Variants in STX8 observed in about 807,000 individuals in gnomAD.
STX8 encodes the protein syntaxin-8.
STX8 carries 23 observed loss-of-function variants against 37.5 expected under a neutral mutation model. The observed-to-expected ratio is 0.61, with a 90% CI of 0.44 to 0.87. The LOEUF (loss-of-function observed/expected upper bound fraction) is 0.87. Ranked by LOEUF, STX8 falls within the 40% of genes least tolerant of loss-of-function variation. STX8 has a pLI of 0.00. For synonymous variants in STX8, 115 were observed against 99.1 expected (o/e 1.16, Z -0.95); for missense variants, 313 against 284.7 (o/e 1.10, Z -0.71).
At chr17:9,306,847 C>T (rs971620377) in intron 7 of STX8, among the ~76,000 whole-genome samples, 5 of 151,816 alleles carry the variant, frequency 3.3e-5, no homozygotes, top group African/African-American at 9.7e-5. Flanking sequence ...TCATTTACGC[C>T]GGGCATGGTG....
At chr17:9,442,480 C>T (rs780849900) in intron 6 of STX8, among the ~76,000 whole-genome samples, 1 of 152,206 alleles carries the variant, frequency 6.6e-6, no homozygotes, top group African/African-American at 2.4e-5. Context: ...GATCTCAGCT[C>T]ACCGCAACCT....
intron 7 of STX8, among the ~76,000 whole-genome samples, chr17:9,324,503 CTGTAA>C (rs1567783851): frequency 6.6e-6 from 1 of 152,016 alleles, no homozygotes; most frequent in Admixed American, 6.6e-5. Context: ...TGGCTCCTGC[CTGTAA>C]TCCCTGCACT....
chr17:9,262,177 G>A (rs954775903), intron 7 of STX8, among the ~76,000 whole-genome samples: 2 of 152,158 alleles, frequency 1.3e-5, no homozygotes, highest in African/African-American at 2.4e-5. Flanking sequence ...TGACCAACAC[G>A]CAAAAGACTA....
Position 9,545,190 on chromosome 17 carries a change from G to A in STX8, c.305C>T (p.Ala102Val). The change falls in exon 4 of 8, where the codon GCC (alanine) becomes GTC (valine). Residue 102 changes from alanine to valine, a missense_variant. Coordinates refer to ENST00000306357, the MANE Select transcript of STX8 (RefSeq NM_004853.3). The part of the protein sequence containing the change: ...LLLASFKNEG[A>V]EPDLIRSSLM... ...ATCCTACCTGATTAGATCTGGTTCG[G>A]CACCCTCATTCTTAAAGGATGCCAG... is the stretch of plus-strand genomic sequence containing the variant. The A allele has an allele frequency of 6.2e-7, 1 of 1,613,434 alleles. No homozygotes were observed. The highest frequency in any genetic ancestry group is 1.1e-5 in the South Asian group (1 of 91,010).
intron 6 of STX8, among the ~76,000 whole-genome samples, chr17:9,392,417 G>C (rs1337153081): frequency 1.3e-5 from 2 of 152,124 alleles, no homozygotes; most frequent in Non-Finnish European, 2.9e-5. Context: ...AGATCAGTCT[G>C]GACAACATAG....
At chr17:9,305,516 G>A (rs2142183683) in intron 7 of STX8, 1 of 152,284 alleles carries the variant, frequency 6.6e-6, no homozygotes, top group East Asian at 1.9e-4. Context: ...TGTTGCGTAG[G>A]TTAAGTGTAT....
In STX8 at chr17:9,411,852, C is replaced by CCTAATAT. The variant is rs1426753376; in HGVS notation, c.542-33200_542-33199insATATTAG. On this transcript the variant is annotated intron_variant, in intron 6 of 7. Transcript: ENST00000306357. ...TTTAGAAGCAACCTAATATATAGAA[C>CCTAATAT]AGTAGTATATATAATTTTTCAGATA... is the stretch of plus-strand genomic sequence containing the variant. Among the ~76,000 whole-genome samples the CCTAATAT allele has an allele frequency of 1.6e-4, 25 of 152,124 alleles. 1 individual carries two copies. The highest frequency in any genetic ancestry group is 6.5e-5 in the Admixed American group (1 of 15,272).
intron 6 of STX8, among the ~76,000 whole-genome samples, chr17:9,485,312 G>A (rs1297434966): frequency 1.3e-5 from 2 of 152,132 alleles, no homozygotes; most frequent in African/African-American, 4.8e-5. Flanking sequence ...GACAGGACAG[G>A]ACAGGACTCA....
intron 4 of STX8, among the ~76,000 whole-genome samples, chr17:9,535,270 A>C (rs1448885116): frequency 6.6e-6 from 1 of 151,966 alleles, no homozygotes; most frequent in Non-Finnish European, 1.5e-5. Context: ...TAGGATACAA[A>C]AGTTTAACAA....
intron 7 of STX8, among the ~76,000 whole-genome samples, chr17:9,275,674 C>T (rs1444918293): frequency 2.6e-5 from 4 of 151,954 alleles, no homozygotes; most frequent in Admixed American, 2.6e-4. Context: ...TTGAGATCAG[C>T]CTGACCAACA....
chr17:9,366,590 T>C (rs557089419), intron 7 of STX8, among the ~76,000 whole-genome samples: 1 of 152,310 alleles, frequency 6.6e-6, no homozygotes, highest in East Asian at 1.9e-4. Context: ...ACCACTATGC[T>C]ATATACGTAT....
intron 7 of STX8, among the ~76,000 whole-genome samples, chr17:9,338,487 C>G (rs79378799): frequency 0.019 from 2,824 of 152,218 alleles, 84 homozygotes; most frequent in African/African-American, 0.065. Context: ...TTTGTCTGTG[C>G]TAACTCAAGT....
rs1906369918 is a variant in STX8, at chr17:9,481,997, C to A, written c.541+9832G>T. Among the ~76,000 whole-genome samples the A allele has an allele frequency of 2.0e-5, 3 of 152,130 alleles. No individual in the cohort carries two copies. The South Asian group carries it at 6.2e-4, about 32-fold the overall frequency. ...GTTGGGGACCGCTGTTCTATGGCAACCTAGACTTTAACAAAAAGAATCTTC... is the reference window on the plus strand; with the variant it reads ...GTTGGGGACCGCTGTTCTATGGCAAACTAGACTTTAACAAAAAGAATCTTC... On this transcript the variant is annotated intron_variant, in intron 6 of 7. Transcript: ENST00000306357.
intron 6 of STX8, among the ~76,000 whole-genome samples, chr17:9,383,223 A>G (rs1911879509): frequency 6.6e-6 from 1 of 152,234 alleles, no homozygotes; most frequent in Non-Finnish European, 1.5e-5. Context: ...GCATTTTAAT[A>G]TAGCAGCTTG....
intron 6 of STX8, among the ~76,000 whole-genome samples, chr17:9,441,759 T>C (rs1269227704): frequency 7.1e-6 from 1 of 139,988 alleles, no homozygotes; most frequent in Non-Finnish European, 1.5e-5. Flanking sequence ...CACGGCAAGC[T>C]CCGCCTCCCG....
chr17:9,411,564 T>C (rs57117812), intron 6 of STX8, among the ~76,000 whole-genome samples: 2 of 152,354 alleles, frequency 1.3e-5, no homozygotes, highest in African/African-American at 4.8e-5. Context: ...TCAAAAGCAG[T>C]TCAGCTGTTT....
At position 9,388,734 on chromosome 17, in the gene STX8, C is replaced by T. The variant is rs543296955; in HGVS notation, c.542-10081G>A. Among the ~76,000 whole-genome samples the T allele has an allele frequency of 1.5e-3, 225 of 145,434 alleles. 1 individual carries two copies. The Middle Eastern group carries it at 0.025, about 16-fold the overall frequency. On this transcript the variant is annotated intron_variant, in intron 6 of 7. Transcript: ENST00000306357. ...AGGAGAATTGCTTGAACCCAGGAGG[C>T]GGGGGTTACAGTGAGCCAACACAGT... is the stretch of plus-strand genomic sequence containing the variant.
At chr17:9,502,956 AT>A (rs1256443919) in intron 5 of STX8, among the ~76,000 whole-genome samples, 1 of 151,934 alleles carries the variant, frequency 6.6e-6, no homozygotes, top group Non-Finnish European at 1.5e-5. Flanking sequence ...TACAAAAAAA[AT>A]TAGCTGGGCA....
chr17:9,532,568 C>T (rs1477940769), intron 4 of STX8, among the ~76,000 whole-genome samples: 2 of 151,980 alleles, frequency 1.3e-5, no homozygotes, highest in Non-Finnish European at 1.5e-5. Flanking sequence ...TAGAAAGAGC[C>T]TGAATTTTCA....
Sources: gnomAD v4.1 joint callset for allele counts (sites outside exome capture counted in the v4.1 genomes callset) on GRCh38, gnomAD v4.1.1 for gene constraint, MANE v1.5 for transcripts, NCBI Gene and HGNC (gene_info 2026-07-23, HGNC 2026-07-21) for gene names.